Variants in ARB2A observed in about 807,000 individuals in gnomAD.
ARB2A encodes the protein cotranscriptional regulator ARB2A.
the ARB2A span, among the ~76,000 whole-genome samples, chr5:93,789,287 C>A: frequency 6.6e-6 from 1 of 152,124 alleles, no homozygotes; most frequent in Non-Finnish European, 1.5e-5. Flanking sequence ...TAGGATCTGA[C>A]ACTACTGTAC....
the ARB2A span, among the ~76,000 whole-genome samples, chr5:94,103,221 T>A: frequency 6.6e-6 from 1 of 152,078 alleles, no homozygotes; most frequent in South Asian, 2.1e-4. Context: ...AGACACAGAG[T>A]GGCAATTTGA....
the ARB2A span, among the ~76,000 whole-genome samples, chr5:93,696,225 A>G: frequency 6.6e-6 from 1 of 152,168 alleles, no homozygotes; most frequent in Non-Finnish European, 1.5e-5. Flanking sequence ...GTTCCCTGTC[A>G]TCTCATTCAC....
chr5:94,005,363 C>T, the ARB2A span, among the ~76,000 whole-genome samples: 11 of 152,050 alleles, frequency 7.2e-5, no homozygotes, highest in Non-Finnish European at 1.5e-4. Context: ...GCCACCAGGC[C>T]CAACTAATTT....
chr5:93,971,676 T>C, the ARB2A span, among the ~76,000 whole-genome samples: 1 of 152,108 alleles, frequency 6.6e-6, no homozygotes, highest in Non-Finnish European at 1.5e-5. Flanking sequence ...TTATTATGAT[T>C]AATAAAAATA....
chr5:93,908,751 C>A, the ARB2A span, among the ~76,000 whole-genome samples: 1 of 150,660 alleles, frequency 6.6e-6, no homozygotes, highest in Non-Finnish European at 1.5e-5. Context: ...TAATAAATTC[C>A]ATTTTTAGGT....
At chr5:93,925,320 A>G in the ARB2A span, among the ~76,000 whole-genome samples, 1 of 152,194 alleles carries the variant, frequency 6.6e-6, no homozygotes, top group African/African-American at 2.4e-5. Context: ...AAACTGTCTT[A>G]AAGATTCTTG....
chr5:93,900,428 C>A, the ARB2A span, among the ~76,000 whole-genome samples: 68 of 151,738 alleles, frequency 4.5e-4, no homozygotes, highest in African/African-American at 1.5e-3. Flanking sequence ...CTGACCAACA[C>A]GGTGAAACCC....
chr5:93,768,308 C>T, the ARB2A span, among the ~76,000 whole-genome samples: 2 of 151,164 alleles, frequency 1.3e-5, no homozygotes, highest in East Asian at 1.9e-4. Flanking sequence ...AGAACTTACT[C>T]ATGTAACCAA....
chr5:93,770,637 A>G, the ARB2A span, among the ~76,000 whole-genome samples: 2 of 152,190 alleles, frequency 1.3e-5, no homozygotes, highest in Non-Finnish European at 2.9e-5. Context: ...ATGTACAAAA[A>G]TCTCAAGCAT....
At chr5:93,879,095 C>G in the ARB2A span, among the ~76,000 whole-genome samples, 1 of 152,066 alleles carries the variant, frequency 6.6e-6, no homozygotes, top group East Asian at 1.9e-4. Flanking sequence ...ATAAAATGCT[C>G]TGTGTCTGAA....
chr5:94,106,890 A>AAAC, the ARB2A span, among the ~76,000 whole-genome samples: 1 of 151,130 alleles, frequency 6.6e-6, no homozygotes, highest in African/African-American at 2.4e-5. Context: ...AAAAAAAAAA[A>AAAC]AACAAATACC....
chr5:93,624,896 CTTTTTGCATGATT>C, the ARB2A span, among the ~76,000 whole-genome samples: 1 of 152,092 alleles, frequency 6.6e-6, no homozygotes. Flanking sequence ...TCTTAAAATA[CTTTTTGCATGATT>C]TTAATATATA....
the ARB2A span, among the ~76,000 whole-genome samples, chr5:94,087,468 T>C: frequency 6.6e-6 from 1 of 152,318 alleles, no homozygotes; most frequent in East Asian, 1.9e-4. Flanking sequence ...AGTTTATTAT[T>C]GAATAAAACT....
At chr5:93,814,896 G>T in the ARB2A span, among the ~76,000 whole-genome samples, 1 of 152,150 alleles carries the variant, frequency 6.6e-6, no homozygotes, top group South Asian at 2.1e-4. Context: ...GGAGTGTGGT[G>T]GTGTGATCAT....
chr5:93,650,428 G>A, the ARB2A span, among the ~76,000 whole-genome samples: 5 of 151,992 alleles, frequency 3.3e-5, no homozygotes, highest in South Asian at 2.1e-4. Flanking sequence ...AAACCTCAAC[G>A]AACTTGAAAA....
chr5:94,045,186 G>A, the ARB2A span, among the ~76,000 whole-genome samples: 1 of 150,804 alleles, frequency 6.6e-6, no homozygotes, highest in Non-Finnish European at 1.5e-5. Context: ...TAAAAGGGGA[G>A]GTGTGAATAA....
the ARB2A span, among the ~76,000 whole-genome samples, chr5:93,763,353 T>C: frequency 1.3e-5 from 2 of 152,044 alleles, no homozygotes; most frequent in African/African-American, 4.8e-5. Context: ...TGGAGGAAGA[T>C]CTACCAAGCA....
the ARB2A span, among the ~76,000 whole-genome samples, chr5:93,972,073 A>C: frequency 6.6e-6 from 1 of 152,274 alleles, no homozygotes; most frequent in South Asian, 2.1e-4. Flanking sequence ...TTTTCCCACC[A>C]GGATTTATGA....
At chr5:94,000,634 T>A in the ARB2A span, among the ~76,000 whole-genome samples, 2 of 152,114 alleles carry the variant, frequency 1.3e-5, no homozygotes, top group Non-Finnish European at 2.9e-5. Flanking sequence ...ACATTGTTTT[T>A]TGTAAAAGTT....
Sources: allele counts gnomAD v4.1 joint callset (sites outside exome capture counted in the v4.1 genomes callset), GRCh38; gene constraint gnomAD v4.1.1; transcripts MANE v1.5; gene names NCBI Gene and HGNC (gene_info 2026-07-23, HGNC 2026-07-21).